Variants in RBFOX1 observed in about 807,000 individuals in gnomAD.
RBFOX1 encodes RNA binding protein fox-1 homolog 1.
A neutral mutation model predicts 57.7 loss-of-function variants in RBFOX1; 8 were observed. The ratio of observed to expected loss-of-function variants is 0.14; its 90% CI spans 0.08 to 0.25. The LOEUF is 0.25. RBFOX1 is among the 10% of genes least tolerant of loss of function. RBFOX1 has a pLI of 1.00. For synonymous variants in RBFOX1, 326 were observed against 222.4 expected (o/e 1.47, Z -4.15); for missense variants, 611 against 548.5 (o/e 1.11, Z -1.14).
intron 3 of RBFOX1, among the ~76,000 whole-genome samples, chr16:5,616,566 C>T (rs570178473): frequency 6.0e-5 from 9 of 150,682 alleles, no homozygotes; most frequent in Non-Finnish European, 1.3e-4. Flanking sequence ...TCCTCCTCCT[C>T]TTCCCTCTCC....
chr16:7,514,363 C>A (rs1323500134), intron 4 of RBFOX1, among the ~76,000 whole-genome samples: 1 of 152,202 alleles, frequency 6.6e-6, no homozygotes, highest in Non-Finnish European at 1.5e-5. Context: ...GCCCAGAGGT[C>A]ATTTTTCCAG....
rs530131020 is a variant in RBFOX1, at chr16:7,710,321, TTC to T, written c.1072-300_1072-299del. 9.1e-4 allele frequency: 1,105 copies of T among 1,215,942 alleles called. 8 individuals carry two copies. The African/African-American group carries it at 0.016, about 18-fold the overall frequency. 75.3% of individuals were successfully genotyped at this position (1,215,942 alleles called of 1,614,324 possible). A position where few individuals can be genotyped will look rare whatever the true frequency, so the allele number is the denominator to read the frequency against. On this transcript the variant is annotated intron_variant, in intron 15 of 15. Transcript: ENST00000550418. ...CAAATTCAACCTCAAGTGCAGATTA[TTC>T]TGTTATAAAAAAATGAGACAGTGAA... is the stretch of plus-strand genomic sequence containing the variant.
At chr16:5,246,279 T>C (rs1432880728) in intron 1 of RBFOX1, among the ~76,000 whole-genome samples, 1 of 152,232 alleles carries the variant, frequency 6.6e-6, no homozygotes, top group Non-Finnish European at 1.5e-5. Flanking sequence ...CTGAATTTTA[T>C]TTTTAATAAT....
At chr16:5,694,418 C>T (rs1048360237) in intron 3 of RBFOX1, among the ~76,000 whole-genome samples, 18 of 152,212 alleles carry the variant, frequency 1.2e-4, no homozygotes, top group African/African-American at 3.9e-4. Context: ...TGAGTGATTT[C>T]GGTTCTGTAA....
intron 4 of RBFOX1, among the ~76,000 whole-genome samples, chr16:7,359,004 A>G (rs2097269198): frequency 6.6e-6 from 1 of 152,226 alleles, no homozygotes; most frequent in African/African-American, 2.4e-5. Context: ...GAAAAAATCT[A>G]AGATTAGTTG....
chr16:6,559,658 C>T (rs752197547), intron 2 of RBFOX1, among the ~76,000 whole-genome samples: 2 of 151,432 alleles, frequency 1.3e-5, no homozygotes, highest in African/African-American at 4.9e-5. Context: ...GAATATATAC[C>T]CACACACACA....
intron 2 of RBFOX1, among the ~76,000 whole-genome samples, chr16:6,368,941 C>G (rs544772795): frequency 7.2e-5 from 11 of 152,288 alleles, no homozygotes; most frequent in East Asian, 3.9e-4. Flanking sequence ...CAGGACGAAT[C>G]TCACAATTTT....
intron 4 of RBFOX1, among the ~76,000 whole-genome samples, chr16:5,869,219 T>C (rs1030452725): frequency 2.6e-5 from 4 of 152,240 alleles, no homozygotes; most frequent in South Asian, 2.1e-4. Context: ...TTGCGCTTTC[T>C]GGAGCATACC....
chr16:6,992,889 G>A (rs1416582248), intron 3 of RBFOX1, among the ~76,000 whole-genome samples: 5 of 147,578 alleles, frequency 3.4e-5, no homozygotes, highest in Non-Finnish European at 7.4e-5. Context: ...AGTGCCCACC[G>A]CCCAAGCACG....
chr16:6,735,235 A>T (rs905937516), intron 3 of RBFOX1, among the ~76,000 whole-genome samples: 2 of 152,196 alleles, frequency 1.3e-5, no homozygotes, highest in Non-Finnish European at 2.9e-5. Context: ...ATGATTTAAT[A>T]GAAAGGGTAT....
intron 4 of RBFOX1, among the ~76,000 whole-genome samples, chr16:7,084,996 A>G (rs1306422608): frequency 6.6e-6 from 1 of 152,080 alleles, no homozygotes; most frequent in Non-Finnish European, 1.5e-5. Flanking sequence ...CCATCCATCC[A>G]TGCATCCCAC....
intron 2 of RBFOX1, among the ~76,000 whole-genome samples, chr16:5,561,751 T>C (rs1020226490): frequency 1.3e-5 from 2 of 152,130 alleles, no homozygotes; most frequent in African/African-American, 4.8e-5. Context: ...GCTCCCTTCT[T>C]TTGGGGTGAG....
At chr16:7,030,565 A>G (rs1214312928) in intron 3 of RBFOX1, among the ~76,000 whole-genome samples, 2 of 151,708 alleles carry the variant, frequency 1.3e-5, no homozygotes, top group Admixed American at 6.6e-5. Context: ...TTCACATGCT[A>G]TTGTCTTTGT....
chr16:5,240,558 C>T (rs1400718307), intron 1 of RBFOX1, among the ~76,000 whole-genome samples: 1 of 152,184 alleles, frequency 6.6e-6, no homozygotes, highest in South Asian at 2.1e-4. Flanking sequence ...TGCGGGCTGG[C>T]GGCGCTCACC....
At chr16:5,686,072 G>A (rs2050495859) in intron 3 of RBFOX1, among the ~76,000 whole-genome samples, 1 of 152,168 alleles carries the variant, frequency 6.6e-6, no homozygotes, top group African/African-American at 2.4e-5. Flanking sequence ...CATTAATATG[G>A]ACAGGCTCAG....
intron 4 of RBFOX1, chr16:7,510,412 G>A (rs1413327423): frequency 5.6e-6 from 5 of 899,444 alleles, no homozygotes; most frequent in Non-Finnish European, 6.7e-6. Context: ...TCGGTGACAC[G>A]TAGCTTGCTG....
intron 4 of RBFOX1, among the ~76,000 whole-genome samples, chr16:7,312,107 C>G (rs368683923): frequency 6.6e-6 from 1 of 152,222 alleles, no homozygotes; most frequent in Non-Finnish European, 1.5e-5. Flanking sequence ...GGGCCGGGCG[C>G]AGTGGCCCAC....
chr16:6,850,795 C>A (rs2094018213), intron 3 of RBFOX1, among the ~76,000 whole-genome samples: 2 of 152,286 alleles, frequency 1.3e-5, no homozygotes, highest in African/African-American at 4.8e-5. Context: ...ATGACTTAAT[C>A]ACTTTGGAAA....
intron 2 of RBFOX1, among the ~76,000 whole-genome samples, chr16:5,513,207 CG>C (rs1231356302): frequency 2.0e-5 from 3 of 152,130 alleles, no homozygotes; most frequent in African/African-American, 7.2e-5. Flanking sequence ...CCAAGGTACC[CG>C]GCTACTTTCC....
Sources: allele counts gnomAD v4.1 joint callset (sites outside exome capture counted in the v4.1 genomes callset), GRCh38; gene constraint gnomAD v4.1.1; transcripts MANE v1.5; gene names NCBI Gene and HGNC (gene_info 2026-07-23, HGNC 2026-07-21).